The following LCORL variants were observed in gnomAD, a reference collection of about 807,000 sequenced individuals.
LCORL encodes the protein ligand dependent nuclear receptor corepressor like.
In LCORL, 41 loss-of-function variants were observed where a neutral mutation model predicts 141.8. The ratio of observed to expected loss-of-function variants is 0.29; its 90% CI spans 0.23 to 0.38. The LOEUF is 0.38. LCORL is among the 10% of genes least tolerant of loss of function. The pLI is 1.00. For synonymous variants in LCORL, 618 were observed against 694.1 expected (o/e 0.89, Z 1.72); for missense variants, 1,759 against 2,035.0 (o/e 0.86, Z 2.61).
chr4:17,933,902 T>C (rs927174095), intron 4 of LCORL, among the ~76,000 whole-genome samples: 1 of 152,052 alleles, frequency 6.6e-6, no homozygotes, highest in Admixed American at 6.6e-5. Flanking sequence ...GATTCTCTTT[T>C]GTTTCTACAG....
chr4:17,878,191 C>T, exon 7 of LCORL: 1 of 1,229,608 alleles, frequency 8.1e-7, no homozygotes, highest in Non-Finnish European at 1.0e-6. Context: ...GTAGCTTCCT[C>T]TGATTTTGCA....
At chr4:17,919,725 T>G (rs1430233473) in intron 4 of LCORL, among the ~76,000 whole-genome samples, 4 of 152,202 alleles carry the variant, frequency 2.6e-5, no homozygotes, top group African/African-American at 7.2e-5. Context: ...GGGTGTTGTG[T>G]TGGGTGTGTT....
At chr4:17,960,598 A>T (rs1464663918) in intron 4 of LCORL, among the ~76,000 whole-genome samples, 1 of 152,118 alleles carries the variant, frequency 6.6e-6, no homozygotes, top group African/African-American at 2.4e-5. Flanking sequence ...TTTCTACATT[A>T]ATGTTACAAA....
At position 17,884,718 on chromosome 4, in the gene LCORL, T is replaced by C; in HGVS notation, c.776+1350A>G. ...AAACCATCTGCAAACTCAGCACTTC[T>C]TTCCACATAGTCCTCTCTGTTTCTG... On this transcript the variant is annotated intron_variant, in intron 6 of 7. Coordinates refer to ENST00000635767, the Ensembl canonical transcript of LCORL. This position sits in a 1 kb window ranked among gnomAD's most constrained non-coding sequence, Gnocchi z 4.4. The C allele has an allele frequency of 6.7e-7, 1 of 1,500,580 alleles. No individual in the cohort carries two copies. The highest frequency in any genetic ancestry group is 8.9e-7 in the Non-Finnish European group (1 of 1,127,224). The allele number at this position is 1,500,580 out of a possible 1,614,324, so 93.0% of individuals were successfully genotyped here.
At chr4:17,978,360 G>C (rs6829151) in intron 1 of LCORL, among the ~76,000 whole-genome samples, 1 of 152,220 alleles carries the variant, frequency 6.6e-6, no homozygotes, top group Non-Finnish European at 1.5e-5. Flanking sequence ...ACTTGAGAGG[G>C]TGAGGTTAAG....
intron 1 of LCORL, among the ~76,000 whole-genome samples, chr4:18,011,460 T>C (rs1465312440): frequency 6.6e-6 from 1 of 151,956 alleles, no homozygotes; most frequent in Non-Finnish European, 1.5e-5. Context: ...TTCAAAGGCT[T>C]ACAATTTCCT....
At chr4:17,951,345 T>C (rs1458550295) in intron 4 of LCORL, among the ~76,000 whole-genome samples, 1 of 152,226 alleles carries the variant, frequency 6.6e-6, no homozygotes, top group Non-Finnish European at 1.5e-5. Context: ...CTCTTCCTGC[T>C]TTAAAATGCT....
intron 7 of LCORL, 49 bp from the exon 8 acceptor site, chr4:17,845,950 A>G (rs1722879444): frequency 6.9e-7 from 1 of 1,444,794 alleles, no homozygotes; most frequent in African/African-American, 1.4e-5. Context: ...ATTTCAAAGT[A>G]ATTATCAACC....
At chr4:17,849,527 A>C (rs202134493) in intron 7 of LCORL, among the ~76,000 whole-genome samples, 18,601 of 152,096 alleles carry the variant, frequency 0.12, 1,245 homozygotes, top group South Asian at 0.24. Context: ...CCCATCTGTA[A>C]ATCACCATCA....
At chr4:17,987,742 T>A (rs377070168) in intron 1 of LCORL, among the ~76,000 whole-genome samples, 1 of 152,248 alleles carries the variant, frequency 6.6e-6, no homozygotes, top group Non-Finnish European at 1.5e-5. Flanking sequence ...ACTAATGATG[T>A]TGAACATTTT....
intron 7 of LCORL, among the ~76,000 whole-genome samples, chr4:17,868,891 A>G (rs1310933809): frequency 1.3e-5 from 2 of 152,096 alleles, no homozygotes; most frequent in African/African-American, 4.8e-5. Context: ...ATATTTCTTG[A>G]GACAGCTATT....
chr4:17,964,845 G>C (rs7662221), intron 2 of LCORL, among the ~76,000 whole-genome samples: 1 of 151,036 alleles, frequency 6.6e-6, no homozygotes, highest in African/African-American at 2.4e-5. Flanking sequence ...AATTCTGATA[G>C]GTCAAGGAAA....
At chr4:17,945,309 CA>C (rs926026531) in intron 4 of LCORL, among the ~76,000 whole-genome samples, 6 of 151,396 alleles carry the variant, frequency 4.0e-5, no homozygotes, top group Non-Finnish European at 7.4e-5. Flanking sequence ...AGAATACAAA[CA>C]AAAAATATCA....
chr4:17,860,660 A>G (rs1003697859), intron 7 of LCORL, among the ~76,000 whole-genome samples: 4 of 152,158 alleles, frequency 2.6e-5, no homozygotes, highest in South Asian at 4.1e-4. Context: ...CATTAATTCA[A>G]AAGTCCACAG....
At chr4:17,845,025 T>C (rs1722779169) in exon 8 of LCORL, 1 of 152,084 alleles carries the variant, frequency 6.6e-6, no homozygotes, top group African/African-American at 2.4e-5. Context: ...TGTAAATCCA[T>C]TTACCATTTT....
At chr4:17,894,988 T>A (rs575551677) in intron 5 of LCORL, among the ~76,000 whole-genome samples, 1 of 150,884 alleles carries the variant, frequency 6.6e-6, no homozygotes, top group Admixed American at 6.6e-5. Context: ...CTCAAAATAA[T>A]CTTTCCTCTG....
chr4:17,987,898 C>T (rs1223277672), intron 1 of LCORL, among the ~76,000 whole-genome samples: 2 of 152,054 alleles, frequency 1.3e-5, no homozygotes, highest in African/African-American at 4.8e-5. Flanking sequence ...AGATATTCAC[C>T]CATCTGCAAA....
At chr4:17,902,713 T>G (rs929019257) in intron 5 of LCORL, among the ~76,000 whole-genome samples, 1 of 152,076 alleles carries the variant, frequency 6.6e-6, no homozygotes, top group African/African-American at 2.4e-5. Flanking sequence ...CAACTAAATA[T>G]GCGGCTGAAA....
chr4:18,003,595 A>T (rs1722326577), intron 1 of LCORL, among the ~76,000 whole-genome samples: 1 of 152,310 alleles, frequency 6.6e-6, no homozygotes, highest in Non-Finnish European at 1.5e-5. Context: ...CTAATATTAG[A>T]ATACCTGAGA....
Sources: gnomAD v4.1 joint callset for allele counts (sites outside exome capture counted in the v4.1 genomes callset) on GRCh38, gnomAD v4.1.1 for gene constraint, Gnocchi (gnomAD v3.1) non-coding constraint, MANE v1.5 for transcripts, NCBI Gene and HGNC (gene_info 2026-07-23, HGNC 2026-07-21) for gene names.